The following CACNA1A variants were observed in gnomAD, a reference collection of about 807,000 sequenced individuals.
The protein encoded by CACNA1A is voltage-dependent P/Q-type calcium channel subunit alpha-1A.
CACNA1A carries 57 observed loss-of-function variants against 262.4 expected under a neutral mutation model. The ratio of observed to expected loss-of-function variants is 0.22; its 90% CI spans 0.18 to 0.27. The LOEUF is 0.27. Ranked by LOEUF, CACNA1A falls within the 10% of genes least tolerant of loss-of-function variation. CACNA1A has a pLI of 1.00. For missense variants in CACNA1A, 2,526 were observed against 3,562.8 expected (o/e 0.71, Z 7.41); for synonymous variants, 1,431 against 1,419.3 (o/e 1.01, Z -0.18).
chr19:13,496,505 C>T lies in CACNA1A; in HGVS notation c.293+9427G>A, dbSNP rs148890437. On this transcript the variant is annotated intron_variant, in intron 1 of 46. Coordinates refer to ENST00000360228, the MANE Select transcript of CACNA1A (RefSeq NM_001127222.2). ...AAACATGGAAGAAGGATTGCTGAGACGTGGGGAAAATCCTACTTGGGCCTA... is the reference window on the plus strand; with the variant it reads ...AAACATGGAAGAAGGATTGCTGAGATGTGGGGAAAATCCTACTTGGGCCTA... Among the ~76,000 whole-genome samples, 264 of 152,180 alleles carry T rather than the reference C, an allele frequency of 1.7e-3. 3 individuals carry two copies. The East Asian group carries it at 0.046, about 27-fold the overall frequency.
chr19:13,338,602 C>T (rs12460484), intron 6 of CACNA1A, among the ~76,000 whole-genome samples: 103,606 of 151,876 alleles, frequency 0.68, 35,466 homozygotes, highest in Admixed American at 0.76. Flanking sequence ...AAAAAGTTAA[C>T]GTCAAGCAAA....
At chr19:13,429,484 G>GC (rs2060466403) in intron 3 of CACNA1A, among the ~76,000 whole-genome samples, 1 of 126,248 alleles carries the variant, frequency 7.9e-6, no homozygotes. Flanking sequence ...AGAGATGTGT[G>GC]CCCCCCTCAC....
intron 3 of CACNA1A, among the ~76,000 whole-genome samples, chr19:13,373,146 T>C (rs2059353008): frequency 6.6e-6 from 1 of 152,184 alleles, no homozygotes; most frequent in Non-Finnish European, 1.5e-5. Context: ...AGCAAATAAC[T>C]TGGGGATTTT....
At chr19:13,336,636 A>AGAGAGG (rs1568547642) in intron 6 of CACNA1A, among the ~76,000 whole-genome samples, 3 of 150,588 alleles carry the variant, frequency 2.0e-5, no homozygotes, top group African/African-American at 2.5e-5. Context: ...AGAGAGAGAG[A>AGAGAGG]GAGAAAAGAA....
intron 10 of CACNA1A, among the ~76,000 whole-genome samples, chr19:13,327,634 C>T (rs949785012): frequency 1.8e-4 from 27 of 151,626 alleles, no homozygotes; most frequent in East Asian, 7.8e-4. Flanking sequence ...AGGGCAATGG[C>T]GCCATCTCAG....
rs1222835349 is a variant in CACNA1A at position 13,299,121 on chromosome 19, T to C, written c.2512A>G (p.Ser838Gly). The change falls in exon 19 of 47, where the codon AGC becomes GGC. Residue 838 changes from serine (S) to glycine (G), a missense_variant. Transcript: ENST00000360228. ...TCCACGGTGGGCTCGGCCGCCCGGC[T>C]CTTGTTGGTGTTGTTGTTGCGGTTC... ...QENRNNNTNK[S>G]RAAEPTVDQR... The C allele has an allele frequency of 1.2e-6, 2 of 1,612,772 alleles. No individual in the cohort carries two copies. Among genetic ancestry groups the C allele is most frequent in the Non-Finnish European group, 1.7e-6 (2 of 1,179,776 alleles).
intron 3 of CACNA1A, among the ~76,000 whole-genome samples, chr19:13,407,983 C>G (rs143845520): frequency 5.9e-5 from 9 of 152,292 alleles, no homozygotes; most frequent in African/African-American, 2.2e-4. Flanking sequence ...CCCTCACTCT[C>G]TCTCTCCTGC....
chr19:13,228,603 GAGAT>G lies in CACNA1A; in HGVS notation c.5529-1080_5529-1077del, dbSNP rs36088930. ...GGCTCTGTTTTTTTAGAGAGAGAGA[GAGAT>G]ATATATATATATATATATGAAATAT... On this transcript the variant is annotated intron_variant, in intron 36 of 46. Transcript: ENST00000360228. The G allele has an allele frequency of 0.42, 91,637 of 217,782 alleles. 15,709 individuals carry two copies. Among genetic ancestry groups the G allele is most frequent in the Middle Eastern group, 0.55 (277 of 506 alleles). 13.5% of individuals were successfully genotyped at this position (217,782 alleles called of 1,614,324 possible). A position where few individuals can be genotyped will look rare whatever the true frequency, so the allele number is the denominator to read the frequency against.
chr19:13,332,737 A>C (rs41276892), intron 9 of CACNA1A, 132 bp downstream of exon 9: 4 of 527,440 alleles, frequency 7.6e-6, no homozygotes, highest in African/African-American at 1.9e-5. Flanking sequence ...GGAAGTCCTA[A>C]AATTCCTCCA....
intron 5 of CACNA1A, among the ~76,000 whole-genome samples, chr19:13,360,112 T>A (rs1355014717): frequency 6.6e-6 from 1 of 151,920 alleles, no homozygotes; most frequent in Non-Finnish European, 1.5e-5. Context: ...TAAGTGTGGC[T>A]TTACCTGCAT....
At chr19:13,404,247 T>C (rs2059962339) in intron 3 of CACNA1A, among the ~76,000 whole-genome samples, 1 of 151,830 alleles carries the variant, frequency 6.6e-6, no homozygotes, top group South Asian at 2.1e-4. Flanking sequence ...TATGTTTCTG[T>C]TAAGGAAATA....
At chr19:13,343,796 A>G (rs1340257275) in intron 6 of CACNA1A, among the ~76,000 whole-genome samples, 1 of 152,166 alleles carries the variant, frequency 6.6e-6, no homozygotes, top group Non-Finnish European at 1.5e-5. Context: ...AAATAGAGAC[A>G]CAACACACCA....
At chr19:13,367,751 G>A (rs1169391403) in intron 4 of CACNA1A, among the ~76,000 whole-genome samples, 1 of 151,976 alleles carries the variant, frequency 6.6e-6, no homozygotes, top group Non-Finnish European at 1.5e-5. Flanking sequence ...GCAGGGAACA[G>A]TCCCCGAAGG....
chr19:13,437,801 C>G (rs1023122627), intron 3 of CACNA1A, among the ~76,000 whole-genome samples: 13 of 152,034 alleles, frequency 8.6e-5, no homozygotes, highest in Non-Finnish European at 1.9e-4. Flanking sequence ...CCCACCTGAG[C>G]CCCTGAGCCA....
At position 13,365,008 on chromosome 19, in the gene CACNA1A, C is replaced by A. The variant is rs1045056088; in HGVS notation, c.784+309G>T. ...ATCCAGTCCCAGTTTTAAGTGGTAA[C>A]CCGCTTGATAGCACACTCTTTAAAA... is the stretch of plus-strand genomic sequence containing the variant. On this transcript the variant is annotated intron_variant, in intron 5 of 46. Coordinates refer to ENST00000360228, the MANE Select transcript of CACNA1A (RefSeq NM_001127222.2). 56 of 185,184 alleles carry A rather than the reference C, an allele frequency of 3.0e-4. 1 individual carries two copies. The highest frequency in any genetic ancestry group is 3.4e-5 in the Non-Finnish European group (3 of 89,202). 11.5% of individuals were successfully genotyped at this position (185,184 alleles called of 1,614,324 possible).
At position 13,307,095 on chromosome 19, in the gene CACNA1A, T is replaced by C. The variant is rs549924296; in HGVS notation, c.1986+687A>G. 3.9e-5 allele frequency among the ~76,000 whole-genome samples: 6 copies of C among 152,214 alleles called. No individual in the cohort carries two copies. In the South Asian group the frequency reaches 8.3e-4, roughly 21 times the overall value. ...CTTCCACTTCAGCTGCCCTAGTAGC[T>C]AGGAGGTATGTATCACCATGCCCAG... On this transcript the variant is annotated intron_variant, in intron 15 of 46. Coordinates refer to ENST00000360228, the MANE Select transcript of CACNA1A (RefSeq NM_001127222.2).
At chr19:13,235,327 T>C in intron 32 of CACNA1A, 53 bp from the exon 33 acceptor site, 1 of 1,487,296 alleles carries the variant, frequency 6.7e-7, no homozygotes, top group Non-Finnish European at 9.2e-7. Flanking sequence ...TCAGCCGCAC[T>C]GTCTTCCTCC....
chr19:13,334,729 C>T (rs568628749), intron 7 of CACNA1A, among the ~76,000 whole-genome samples: 1 of 151,968 alleles, frequency 6.6e-6, no homozygotes, highest in African/African-American at 2.4e-5. Flanking sequence ...CATTTCCCGA[C>T]AACTGTGCCT....
intron 11 of CACNA1A, among the ~76,000 whole-genome samples, chr19:13,313,102 C>T (rs1041637359): frequency 6.6e-6 from 1 of 152,022 alleles, no homozygotes; most frequent in Non-Finnish European, 1.5e-5. Context: ...CTCAAGTGAT[C>T]CTCCCAGCAC....
Sources: allele counts gnomAD v4.1 joint callset (sites outside exome capture counted in the v4.1 genomes callset), GRCh38; gene constraint gnomAD v4.1.1; transcripts MANE v1.5; gene names NCBI Gene and HGNC (gene_info 2026-07-23, HGNC 2026-07-21).